The following ST3GAL4 variants were observed in gnomAD, a reference collection of about 807,000 sequenced individuals.
ST3GAL4 encodes the protein CMP-N-acetylneuraminate-beta-galactosamide-alpha-2,3-sialyltransferase 4.
A neutral mutation model predicts 42.6 loss-of-function variants in ST3GAL4; 24 were observed. The ratio of observed to expected loss-of-function variants is 0.56; its 90% confidence interval spans 0.41 to 0.79. ST3GAL4 has a LOEUF of 0.79. Among genes scored for constraint, ST3GAL4 ranks in the 30% least tolerant of loss-of-function variants. ST3GAL4 has a pLI of 0.00. For synonymous variants in ST3GAL4, 135 were observed against 163.2 expected, an observed-to-expected ratio of 0.83 and a Z score of 1.32; for missense variants, 311 against 430.8, an observed-to-expected ratio of 0.72 and a Z score of 2.46.
In ST3GAL4 at chr11:126,373,685, G is replaced by C. The variant is rs1293627828; in HGVS notation, c.-61+17843G>C. Among the ~76,000 whole-genome samples the C allele has an allele frequency of 6.6e-6, 1 of 152,150 alleles. No homozygotes were observed. The highest frequency in any genetic ancestry group is 2.4e-5 in the African/African-American group (1 of 41,440). On this transcript the variant is annotated intron_variant, in intron 1 of 10. Transcript: ENST00000444328. The surrounding 1 kb of genome is among the most constrained non-coding windows in gnomAD (Gnocchi z 5.5). ...GAGACTTCTTTTGCTGTAGGTGGAA[G>C]CCTGTCTGGCTCCTTTCCCTCAAAG...
chr11:126,381,244 C>A (rs1306220506), intron 1 of ST3GAL4, among the ~76,000 whole-genome samples: 1 of 152,178 alleles, frequency 6.6e-6, no homozygotes, highest in Non-Finnish European at 1.5e-5. Context: ...GCCTGAGGGC[C>A]CTGGGACCAG....
chr11:126,406,586 G>A lies in ST3GAL4; in HGVS notation c.101+29G>A, dbSNP rs548675324. 1 of 1,613,986 alleles carries A rather than the reference G, an allele frequency of 6.2e-7. No individual in the cohort carries two copies. Among genetic ancestry groups the A allele is most frequent in the South Asian group, 1.1e-5 (1 of 91,076 alleles). On this transcript the variant is annotated intron_variant, in intron 3 of 10. Transcript: ENST00000444328. This position sits in a 1 kb window ranked among gnomAD's most constrained non-coding sequence, Gnocchi z 5.4. ...AGTTCACCTTCCATGTCCTTCCAGT[G>A]GCTCTTGTCAGGGACAGGGCTTAGG...
intron 1 of ST3GAL4, among the ~76,000 whole-genome samples, chr11:126,389,453 C>T (rs1185560391): frequency 1.3e-5 from 2 of 152,208 alleles, no homozygotes; most frequent in African/African-American, 2.4e-5. Context: ...GGGTGTCAAC[C>T]TGTATTTCAT....
In ST3GAL4 at chr11:126,366,570, C is replaced by G. The variant is rs1952434446; in HGVS notation, c.-61+10728C>G. Reference sequence around the variant, plus strand: ...CCTCATCTGGGGGCCCTGTTCCACTCTCCTTCCCGTGTGCAGGGCCCTCCC... The same window carrying G: ...CCTCATCTGGGGGCCCTGTTCCACTGTCCTTCCCGTGTGCAGGGCCCTCCC... On this transcript the variant is annotated intron_variant, in intron 1 of 10. Coordinates refer to ENST00000444328, the MANE Select transcript of ST3GAL4 (RefSeq NM_001254757.2). This position sits in a 1 kb window ranked among gnomAD's most constrained non-coding sequence, Gnocchi z 4.2. 6.6e-6 allele frequency among the ~76,000 whole-genome samples: 1 copy of G among 152,196 alleles called. No individual in the cohort carries two copies. Among genetic ancestry groups the G allele is most frequent in the South Asian group, 2.1e-4 (1 of 4,834 alleles).
rs367742642 is a variant in ST3GAL4, at chr11:126,385,023, C to T, written c.-60-21073C>T. 1.4e-4 allele frequency among the ~76,000 whole-genome samples: 22 copies of T among 152,218 alleles called. No individual in the cohort carries two copies. The East Asian group carries it at 1.7e-3, about 12-fold the overall frequency. On this transcript the variant is annotated intron_variant, in intron 1 of 10. Coordinates refer to ENST00000444328, the MANE Select transcript of ST3GAL4 (RefSeq NM_001254757.2). ...CTGTGCCCAGCCCCTGCTGAGGCTG[C>T]GGACATTAAATACCAGGATATGTTT... is the stretch of plus-strand genomic sequence containing the variant.
chr11:126,402,645 C>T (rs1030350323), intron 1 of ST3GAL4, among the ~76,000 whole-genome samples: 19 of 152,100 alleles, frequency 1.2e-4, no homozygotes, highest in African/African-American at 4.6e-4. Context: ...CATACTGTGC[C>T]CCTGGGGGCA....
rs1300048571 is a variant in ST3GAL4 at position 126,355,903 on chromosome 11, G to A, written c.-61+61G>A. On this transcript the variant is annotated intron_variant, in intron 1 of 10. Transcript: ENST00000444328. This position sits in a 1 kb window ranked among gnomAD's most constrained non-coding sequence, Gnocchi z 7.1. The stretch of plus-strand genomic sequence containing the variant: ...GGCGGGGCGGGGCGGGGAGCCGCGG[G>A]GTCCTCGGCCGCCTGACCCCAGCCG... The A allele has an allele frequency of 6.7e-6, 1 of 149,406 alleles. No individual in the cohort carries two copies. Among genetic ancestry groups the A allele is most frequent in the Non-Finnish European group, 1.5e-5 (1 of 66,912 alleles). 9.3% of individuals were successfully genotyped at this position (149,406 alleles called of 1,614,324 possible).
Position 126,378,659 on chromosome 11 carries a change from G to A in ST3GAL4, c.-61+22817G>A, listed in dbSNP as rs574269725. On this transcript the variant is annotated intron_variant, in intron 1 of 10. Transcript: ENST00000444328. The surrounding 1 kb of genome is among the most constrained non-coding windows in gnomAD (Gnocchi z 5.3). Reference sequence around the variant, plus strand: ...CCTGACCTCGTGATCCACCCTCCTCGGCCCCCCAAAGGGATGACTGGTTTT... The same window carrying A: ...CCTGACCTCGTGATCCACCCTCCTCAGCCCCCCAAAGGGATGACTGGTTTT... 3.9e-5 allele frequency among the ~76,000 whole-genome samples: 6 copies of A among 152,212 alleles called. No homozygotes were observed. Among genetic ancestry groups the A allele is most frequent in the East Asian group, 1.9e-4 (1 of 5,184 alleles).
rs1565400953 is a variant in ST3GAL4 at position 126,376,291 on chromosome 11, G to T, written c.-61+20449G>T. Among the ~76,000 whole-genome samples, 1 of 152,080 alleles carries T rather than the reference G, an allele frequency of 6.6e-6. No homozygotes were observed. Among genetic ancestry groups the T allele is most frequent in the Non-Finnish European group, 1.5e-5 (1 of 68,014 alleles). ...ACCTGTGTGAAAGAGAATTTTTCAG[G>T]CACAATAATATTTTAAAGAGTTTAT... On this transcript the variant is annotated intron_variant, in intron 1 of 10. Transcript: ENST00000444328. The surrounding 1 kb of genome is among the most constrained non-coding windows in gnomAD (Gnocchi z 5.1).
rs1233213730 is a variant in ST3GAL4, at chr11:126,355,930, C to A, written c.-61+88C>A. ...TCCTCGGCCGCCTGACCCCAGCCGG[C>A]GCCGCGCCTCCCGGAGGGGGTCGGG... is the stretch of plus-strand genomic sequence containing the variant. On this transcript the variant is annotated intron_variant, in intron 1 of 10. Transcript: ENST00000444328. The surrounding 1 kb of genome is among the most constrained non-coding windows in gnomAD (Gnocchi z 7.1). 1 of 150,520 alleles carries A rather than the reference C, an allele frequency of 6.6e-6. No homozygotes were observed. Among genetic ancestry groups the A allele is most frequent in the East Asian group, 1.9e-4 (1 of 5,156 alleles). 9.3% of individuals were successfully genotyped at this position (150,520 alleles called of 1,614,324 possible).
intron 1 of ST3GAL4, chr11:126,358,267 G>A (rs1158174616): frequency 3.8e-6 from 1 of 265,458 alleles, no homozygotes; most frequent in South Asian, 3.0e-5. Flanking sequence ...CTCCCGCTCC[G>A]TGTTTCCCTC....
intron 1 of ST3GAL4, among the ~76,000 whole-genome samples, chr11:126,402,740 G>A (rs1954061110): frequency 6.6e-6 from 1 of 152,234 alleles, no homozygotes. Context: ...GCAGCAGGAG[G>A]CATGGTTTCT....
intron 1 of ST3GAL4, among the ~76,000 whole-genome samples, chr11:126,381,046 A>G (rs1229309277): frequency 3.3e-5 from 5 of 152,188 alleles, no homozygotes; most frequent in Non-Finnish European, 7.3e-5. Flanking sequence ...CATGGGGTGC[A>G]CTTCTGCATG....
Position 126,409,055 on chromosome 11 carries a change from T to C in ST3GAL4, c.628-213T>C, listed in dbSNP as rs1954401613. 6.6e-6 allele frequency among the ~76,000 whole-genome samples: 1 copy of C among 152,160 alleles called. No homozygotes were observed. Among genetic ancestry groups the C allele is most frequent in the Admixed American group, 6.5e-5 (1 of 15,268 alleles). ...ACTCTATACACCTGGTCACCTGGCCTCCCGAGGGGGTGCCTTTCCTCCTCT... is the reference window on the plus strand; with the variant it reads ...ACTCTATACACCTGGTCACCTGGCCCCCCGAGGGGGTGCCTTTCCTCCTCT... On this transcript the variant is annotated intron_variant, in intron 8 of 10. Transcript: ENST00000444328. This position sits in a 1 kb window ranked among gnomAD's most constrained non-coding sequence, Gnocchi z 4.9.
intron 1 of ST3GAL4, among the ~76,000 whole-genome samples, chr11:126,405,242 T>C (rs1403731929): frequency 6.6e-6 from 1 of 152,248 alleles, no homozygotes; most frequent in Non-Finnish European, 1.5e-5. Context: ...AGAAATGTCT[T>C]CTGCAGTGAC....
In ST3GAL4 at chr11:126,363,833, C is replaced by T. The variant is rs2135381969; in HGVS notation, c.-61+7991C>T. 6.6e-6 allele frequency among the ~76,000 whole-genome samples: 1 copy of T among 152,352 alleles called. No homozygotes were observed. The highest frequency in any genetic ancestry group is 2.1e-4 in the South Asian group (1 of 4,828). Reference sequence around the variant, plus strand: ...CTCAGACCCCATTGAGGTGAGCACACAACAGTGTTCTGTGTGAGGGTCTGG... The same window carrying T: ...CTCAGACCCCATTGAGGTGAGCACATAACAGTGTTCTGTGTGAGGGTCTGG... On this transcript the variant is annotated intron_variant, in intron 1 of 10. Coordinates refer to ENST00000444328, the MANE Select transcript of ST3GAL4 (RefSeq NM_001254757.2). This position sits in a 1 kb window ranked among gnomAD's most constrained non-coding sequence, Gnocchi z 4.6.
At chr11:126,390,637 T>TTA (rs59700635) in intron 1 of ST3GAL4, among the ~76,000 whole-genome samples, 11 of 133,758 alleles carry the variant, frequency 8.2e-5, no homozygotes, top group East Asian at 4.1e-4. Flanking sequence ...TTTTTTTTTT[T>TTA]ATTTCTTTGA....
rs1478962325 is a variant in ST3GAL4 at position 126,409,217 on chromosome 11, A to G, written c.628-51A>G. The G allele has an allele frequency of 1.2e-6, 2 of 1,601,492 alleles. No individual in the cohort carries two copies. Among genetic ancestry groups the G allele is most frequent in the Admixed American group, 3.4e-5 (2 of 59,678 alleles). On this transcript the variant is annotated intron_variant, in intron 8 of 10. Coordinates refer to ENST00000444328, the MANE Select transcript of ST3GAL4 (RefSeq NM_001254757.2). The surrounding 1 kb of genome is among the most constrained non-coding windows in gnomAD (Gnocchi z 4.9). The stretch of plus-strand genomic sequence containing the variant: ...TGAGGACCACTGGGTTGGATTTGAG[A>G]AACAGGGCTTCACCCGCTTCTGTCT...
Position 126,406,207 on chromosome 11 carries a change from A to G in ST3GAL4, c.16+36A>G. On this transcript the variant is annotated intron_variant, in intron 2 of 10. Transcript: ENST00000444328. This position sits in a 1 kb window ranked among gnomAD's most constrained non-coding sequence, Gnocchi z 5.4. Reference sequence around the variant, plus strand: ...TCCGAGGGCTCCCCCACCCTGGAGGACAGGCCTCAGAAGCCGTCTTCAGCA... The same window carrying G: ...TCCGAGGGCTCCCCCACCCTGGAGGGCAGGCCTCAGAAGCCGTCTTCAGCA... 1 of 1,556,050 alleles carries G rather than the reference A, an allele frequency of 6.4e-7. No individual in the cohort carries two copies. Among genetic ancestry groups the G allele is most frequent in the African/African-American group, 1.4e-5 (1 of 73,334 alleles).
Sources: allele counts gnomAD v4.1 joint callset (sites outside exome capture counted in the v4.1 genomes callset), GRCh38; gene constraint gnomAD v4.1.1; non-coding constraint Gnocchi (gnomAD v3.1); transcripts MANE v1.5; gene names NCBI Gene and HGNC (gene_info 2026-07-23, HGNC 2026-07-21).